NMRAL1: variants seen among roughly 807,000 people sequenced by gnomAD.
NMRAL1 encodes the protein NmrA like redox sensor 1.
Under a neutral mutation model 27.5 loss-of-function variants are expected in NMRAL1, and 32 were observed. The ratio of observed to expected loss-of-function variants is 1.16; its 90% CI spans 0.88 to 1.56. The LOEUF (loss-of-function observed/expected upper bound fraction) is 1.56. NMRAL1 is among the 40% of genes most tolerant of loss of function. NMRAL1 has a pLI of 0.00. For missense variants in NMRAL1, 420 were observed against 392.0 expected (o/e 1.07, Z -0.60); for synonymous variants, 166 against 166.8 (o/e 1.00, Z 0.04).
intron 2 of NMRAL1, among the ~76,000 whole-genome samples, chr16:4,470,741 A>C (rs2057530917): frequency 6.6e-6 from 1 of 151,878 alleles, no homozygotes; most frequent in South Asian, 2.1e-4. Context: ...AGGTCAGGAG[A>C]TCGAGACCAT....
Position 4,473,573 on chromosome 16 carries a change from A to G in NMRAL1, c.40+520T>C, listed in dbSNP as rs1205159675. ...AAGAGGAGGCTAGGAAGAAGATTTAATTTTGGTATCATGTTCAAGTACTCC... is the reference window on the plus strand; with the variant it reads ...AAGAGGAGGCTAGGAAGAAGATTTAGTTTTGGTATCATGTTCAAGTACTCC... On this transcript the variant is annotated intron_variant, in intron 2 of 5. Transcript: ENST00000283429. Among the ~76,000 whole-genome samples the G allele has an allele frequency of 2.0e-5, 3 of 152,162 alleles. No homozygotes were observed. The East Asian group carries it at 5.8e-4, about 29-fold the overall frequency.
chr16:4,462,141 A>C (rs1358772873), intron 5 of NMRAL1, among the ~76,000 whole-genome samples, 182 bp from the exon 6 acceptor site: 1 of 152,216 alleles, frequency 6.6e-6, no homozygotes, highest in Non-Finnish European at 1.5e-5. Context: ...GAAAGTTCAG[A>C]AACTGCTGCT....
Position 4,464,915 on chromosome 16 carries a change from CT to C in NMRAL1, c.530-1066del, listed in dbSNP as rs543837170. ...ACAGGCGTAAGCCACCGTGCCCGGC[CT>C]TTTTTTTTTGAGACGGGGTCTTGCT... On this transcript the variant is annotated intron_variant, in intron 4 of 5. Coordinates refer to ENST00000283429, the MANE Select transcript of NMRAL1 (RefSeq NM_020677.6). Among the ~76,000 whole-genome samples, 28 of 136,512 alleles carry C rather than the reference CT, an allele frequency of 2.1e-4. 1 individual carries two copies. Among genetic ancestry groups the C allele is most frequent in the South Asian group, 7.0e-4 (3 of 4,290 alleles). 89.6% of individuals were successfully genotyped at this position (136,512 alleles called of 152,430 possible).
rs772300885 is a variant in NMRAL1, at chr16:4,469,662, T to C, written c.41-197A>G. ...TCTCACTCTATCACCCAGGCTGAAG[T>C]GCAGTGGCACGATCTTGGCTTGGTG... On this transcript the variant is annotated intron_variant, in intron 2 of 5. Transcript: ENST00000283429. 6.7e-5 allele frequency: 77 copies of C among 1,153,036 alleles called. No individual in the cohort carries two copies. In the African/African-American group the frequency reaches 8.9e-4, roughly 13 times the overall value. The allele number at this position is 1,153,036 out of a possible 1,614,324, so 71.4% of individuals were successfully genotyped here. A position where few individuals can be genotyped will look rare whatever the true frequency, so the allele number is the denominator to read the frequency against.
At chr16:4,468,643 G>A (rs962178884) in intron 3 of NMRAL1, among the ~76,000 whole-genome samples, 1 of 149,720 alleles carries the variant, frequency 6.7e-6, no homozygotes, top group African/African-American at 2.5e-5. Flanking sequence ...AAAGATCTGC[G>A]TTAATCAGAG....
Position 4,474,027 on chromosome 16 carries a change from G to A in NMRAL1, c.40+66C>T, listed in dbSNP as rs375717155. ...ACCTTACCCCTCCCTGCAGACCCCA[G>A]GACGGGCGGTCTTCAGGGCTAGGCG... On this transcript the variant is annotated intron_variant, in intron 2 of 5. Coordinates refer to ENST00000283429, the MANE Select transcript of NMRAL1 (RefSeq NM_020677.6). 3.0e-5 allele frequency: 40 copies of A among 1,324,818 alleles called. No individual in the cohort carries two copies. The East Asian group carries it at 7.3e-4, about 24-fold the overall frequency. The allele number at this position is 1,324,818 out of a possible 1,614,324, so 82.1% of individuals were successfully genotyped here.
intron 3 of NMRAL1, among the ~76,000 whole-genome samples, chr16:4,468,455 A>T (rs1233055812): frequency 1.3e-5 from 2 of 151,972 alleles, no homozygotes; most frequent in African/African-American, 4.8e-5. Context: ...GCCTCTACTA[A>T]AAATACAAAA....
chr16:4,469,687 G>A (rs2057475398), intron 2 of NMRAL1: 4 of 880,118 alleles, frequency 4.5e-6, no homozygotes, highest in African/African-American at 1.7e-5. Context: ...TTGGCTTGGT[G>A]AAACCCCGCC....
chr16:4,472,659 G>A (rs1397203100), intron 2 of NMRAL1, among the ~76,000 whole-genome samples: 1 of 150,930 alleles, frequency 6.6e-6, no homozygotes. Flanking sequence ...CAGGAGAATC[G>A]CTTGAACCCG....
intron 2 of NMRAL1, among the ~76,000 whole-genome samples, chr16:4,470,946 C>CAAA (rs56092245): frequency 3.0e-5 from 4 of 133,484 alleles, no homozygotes; most frequent in Non-Finnish European, 4.7e-5. Context: ...GACTCCGTCT[C>CAAA]AAAAAAAAAA....
chr16:4,466,221 C>G lies in NMRAL1; in HGVS notation c.461G>C (p.Cys154Ser), dbSNP rs2057320797. 1 of 1,614,146 alleles carries G rather than the reference C, an allele frequency of 6.2e-7. No homozygotes were observed. Among genetic ancestry groups the G allele is most frequent in the Non-Finnish European group, 8.5e-7 (1 of 1,180,026 alleles). Residue 154 changes from cysteine to serine, a missense_variant, in exon 4 of 6, where the codon TGC becomes TCC. Coordinates refer to ENST00000283429, the MANE Select transcript of NMRAL1 (RefSeq NM_020677.6). Reference sequence around the variant, plus strand: ...GTGGGAGAGGAGGTTCTCAAAATAGCAGGGCAGCCGCACACTGGTCATGGG... The same window carrying G: ...GTGGGAGAGGAGGTTCTCAAAATAGGAGGGCAGCCGCACACTGGTCATGGG... ...GVPMTSVRLPCYFENLLSHFL... is the reference protein window; with the variant it reads ...GVPMTSVRLPSYFENLLSHFL...
chr16:4,474,042 A>C (rs753682766), intron 2 of NMRAL1, 51 bp downstream of exon 2: 2 of 1,500,950 alleles, frequency 1.3e-6, no homozygotes. Context: ...GGCGGTCTTC[A>C]GGGCTAGGCG....
chr16:4,466,308 A>T lies in NMRAL1; in HGVS notation c.374T>A (p.Leu125Ter). ...ENIKKLTAGR[L>*]AAAHFDGKGE... Reference sequence around the variant, plus strand: ...TTTGCCGTCAAAGTGCGCGGCGGCCAATCTCCCTGCCGTCAGCTTCTTGAT... The same window carrying T: ...TTTGCCGTCAAAGTGCGCGGCGGCCTATCTCCCTGCCGTCAGCTTCTTGAT... The change falls in exon 4 of 6, where the codon TTG (leucine) becomes TAG (stop). Residue 125 changes from leucine to a stop codon, truncating the protein, a stop_gained. Coordinates refer to ENST00000283429, the MANE Select transcript of NMRAL1 (RefSeq NM_020677.6). LOFTEE classifies it high-confidence loss of function. 2 of 1,613,960 alleles carry T rather than the reference A, an allele frequency of 1.2e-6. No individual in the cohort carries two copies. The highest frequency in any genetic ancestry group is 1.7e-6 in the Non-Finnish European group (2 of 1,180,018).
In NMRAL1 at chr16:4,466,289, G is replaced by A. The variant is rs145734906; in HGVS notation, c.393C>T (p.Asp131=). The A allele has an allele frequency of 7.8e-5, 126 of 1,614,070 alleles. No individual in the cohort carries two copies. Among genetic ancestry groups the A allele is most frequent in the South Asian group, 5.1e-4 (46 of 91,084 alleles). The change falls in exon 4 of 6, where the codon GAC becomes GAT. Residue 131 remains aspartate (D), a synonymous_variant. Transcript: ENST00000283429. ...TAGRLAAAHF[D]GKGEVEEYFR... The stretch of plus-strand genomic sequence containing the variant: ...AATATTCCTCCACCTCCCCTTTGCC[G>A]TCAAAGTGCGCGGCGGCCAATCTCC...
intron 2 of NMRAL1, among the ~76,000 whole-genome samples, chr16:4,471,913 A>G (rs187611588): frequency 2.1e-3 from 321 of 152,120 alleles, no homozygotes; most frequent in African/African-American, 6.9e-3. Context: ...AGTCTCTACA[A>G]AAAATTAAAA....
Position 4,466,381 on chromosome 16 carries a change from C to T in NMRAL1, c.301G>A (p.Ala101Thr). The change falls in exon 4 of 6, where the codon GCC becomes ACC. Residue 101 changes from alanine to threonine, a missense_variant. By Grantham distance (58) the Ala-to-Thr change is moderately conservative. Transcript: ENST00000283429. ...ACATAGTGGAGGCCCAGGCGCCTGG[C>T]CAGATCAGCGAGCAGCTTCCCCTGG... ...VKQGKLLADLARRLGLHYVVY... is the reference protein window; with the variant it reads ...VKQGKLLADLTRRLGLHYVVY... 1 of 1,612,636 alleles carries T rather than the reference C, an allele frequency of 6.2e-7. No individual in the cohort carries two copies. Among genetic ancestry groups the T allele is most frequent in the Middle Eastern group, 1.9e-4 (1 of 5,138 alleles).
upstream of NMRAL1, among the ~76,000 whole-genome samples, chr16:4,475,243 G>A (rs2057785363): frequency 6.6e-6 from 1 of 150,816 alleles, no homozygotes. Context: ...GGGAGCCACC[G>A]TGCCCAGCCC....
chr16:4,470,410 C>T (rs1280718562), intron 2 of NMRAL1, among the ~76,000 whole-genome samples: 1 of 151,858 alleles, frequency 6.6e-6, no homozygotes, highest in African/African-American at 2.4e-5. Context: ...GCAGAGGTTG[C>T]GGTGAGCCGA....
At chr16:4,474,762 G>C (rs2057767409), upstream of NMRAL1, 2 of 152,616 alleles carry the variant, frequency 1.3e-5, no homozygotes, top group Non-Finnish European at 1.5e-5. Context: ...GCGAGGTGGA[G>C]AGCCTCTTAA....
Sources: allele counts gnomAD v4.1 joint callset (sites outside exome capture counted in the v4.1 genomes callset), GRCh38; gene constraint gnomAD v4.1.1; transcripts MANE v1.5; gene names NCBI Gene and HGNC (gene_info 2026-07-23, HGNC 2026-07-21).